Variants in COL23A1 observed in about 807,000 individuals in gnomAD.
The protein encoded by COL23A1 is collagen alpha-1(XXIII) chain.
COL23A1 carries 97 observed loss-of-function variants against 99.3 expected under a neutral mutation model. The observed-to-expected ratio is 0.98, with a 90% confidence interval of 0.83 to 1.16. The LOEUF is 1.16. Ranked by LOEUF, COL23A1 falls within the 50% of genes most tolerant of loss-of-function variation. COL23A1 has a pLI of 0.00. For missense variants in COL23A1, 762 were observed against 757.4 expected (o/e 1.01, Z -0.07); for synonymous variants, 320 against 308.2 (o/e 1.04, Z -0.40).
At chr5:178,301,940 GCA>G (rs1758063965) in intron 3 of COL23A1, among the ~76,000 whole-genome samples, 3 of 42,360 alleles carry the variant, frequency 7.1e-5, no homozygotes, top group African/African-American at 1.7e-4. Flanking sequence ...GTGCGCCGAA[GCA>G]CAGCTTCAAT....
chr5:178,357,752 GTGTGTGTACGTGTATGTA>G (rs1368302188), intron 2 of COL23A1, among the ~76,000 whole-genome samples: 34 of 147,722 alleles, frequency 2.3e-4, no homozygotes, highest in African/African-American at 6.9e-4. Context: ...ACGTGTATGT[GTGTGTGTACGTGTATGTA>G]TGTGTGTATG....
At chr5:178,495,823 T>C (rs1234631652) in intron 2 of COL23A1, among the ~76,000 whole-genome samples, 1 of 152,208 alleles carries the variant, frequency 6.6e-6, no homozygotes, top group Non-Finnish European at 1.5e-5. Flanking sequence ...CTGTGAATGC[T>C]TTCTAGCCGT....
At chr5:178,295,939 T>C (rs112875403) in intron 3 of COL23A1, among the ~76,000 whole-genome samples, 3,381 of 152,304 alleles carry the variant, frequency 0.022, 121 homozygotes, top group African/African-American at 0.077. Flanking sequence ...AAGGAAGTGG[T>C]CATCAGGGTT....
At chr5:178,485,562 C>A (rs1393561049) in intron 2 of COL23A1, among the ~76,000 whole-genome samples, 1 of 152,110 alleles carries the variant, frequency 6.6e-6, no homozygotes, top group Middle Eastern at 3.4e-3. Flanking sequence ...CACCTGACGT[C>A]AGGAGTTCGA....
chr5:178,375,161 C>G (rs542961576), intron 2 of COL23A1, among the ~76,000 whole-genome samples: 1 of 152,216 alleles, frequency 6.6e-6, no homozygotes, highest in South Asian at 2.1e-4. Flanking sequence ...GTGACATGAA[C>G]CACAGAAGGT....
At position 178,362,311 on chromosome 5, in the gene COL23A1, C is replaced by G. The variant is rs531651109; in HGVS notation, c.362-55392G>C. ...GTCCGAATAGCGGCTCAACCACAGG[C>G]CCCGGGGTTGGTGGGGGCATGTCCC... On this transcript the variant is annotated intron_variant, in intron 2 of 28. Transcript: ENST00000390654. Among the ~76,000 whole-genome samples the G allele has an allele frequency of 8.0e-4, 122 of 152,208 alleles. 1 individual carries two copies. The highest frequency in any genetic ancestry group is 5.1e-3 in the Admixed American group (78 of 15,294).
At chr5:178,278,491 GC>G (rs1218893303) in intron 5 of COL23A1, among the ~76,000 whole-genome samples, 1 of 152,216 alleles carries the variant, frequency 6.6e-6, no homozygotes, top group Non-Finnish European at 1.5e-5. Flanking sequence ...CCCCGATGGG[GC>G]GGGTGCCCCG....
chr5:178,560,327 G>A (rs1762492467), intron 2 of COL23A1, among the ~76,000 whole-genome samples: 1 of 152,296 alleles, frequency 6.6e-6, no homozygotes, highest in Non-Finnish European at 1.5e-5. Context: ...TGTTGGTACA[G>A]TGGTGGCAAC....
intron 2 of COL23A1, chr5:178,345,088 T>C (rs1760885731): frequency 1.7e-6 from 1 of 591,156 alleles, no homozygotes; most frequent in Non-Finnish European, 3.3e-6. Flanking sequence ...GTTCATCTCT[T>C]CCTGGTAATT....
intron 2 of COL23A1, among the ~76,000 whole-genome samples, chr5:178,517,116 A>G (rs1301162505): frequency 6.6e-6 from 1 of 152,188 alleles, no homozygotes; most frequent in Admixed American, 6.5e-5. Flanking sequence ...AGAAACAGAC[A>G]GAAGTGCCCA....
intron 1 of COL23A1, among the ~76,000 whole-genome samples, chr5:178,580,617 G>A (rs902027125): frequency 6.6e-6 from 1 of 152,194 alleles, no homozygotes; most frequent in Admixed American, 6.5e-5. Flanking sequence ...AGCTGGAGGT[G>A]GTGTGTGGCC....
At chr5:178,337,187 G>T (rs1760379857) in intron 2 of COL23A1, among the ~76,000 whole-genome samples, 1 of 152,254 alleles carries the variant, frequency 6.6e-6, no homozygotes, top group Admixed American at 6.5e-5. Flanking sequence ...TCTGAGAGGG[G>T]TCTGAGTGTG....
At chr5:178,375,131 CCTTGAAAACATGATGGG>C (rs1763003596) in intron 2 of COL23A1, among the ~76,000 whole-genome samples, 1 of 152,138 alleles carries the variant, frequency 6.6e-6, no homozygotes. Context: ...CATGGACGAA[CCTTGAAAACATGATGGG>C]AAGTGACATG....
chr5:178,357,072 C>T (rs1215498957), intron 2 of COL23A1, among the ~76,000 whole-genome samples: 3 of 152,204 alleles, frequency 2.0e-5, no homozygotes, highest in Admixed American at 6.5e-5. Context: ...GGAAAATGAA[C>T]GGAGCTAAAG....
intron 2 of COL23A1, among the ~76,000 whole-genome samples, chr5:178,356,379 G>GA (rs34173530): frequency 0.67 from 101,532 of 151,932 alleles, 34,029 homozygotes; most frequent in South Asian, 0.75. Context: ...AAGCTGTTAT[G>GA]AAAAAAGGCA....
chr5:178,300,545 T>C (rs897623577), intron 3 of COL23A1, among the ~76,000 whole-genome samples: 1 of 150,832 alleles, frequency 6.6e-6, no homozygotes, highest in African/African-American at 2.5e-5. Context: ...CTCATGATGC[T>C]TTCAAGATTC....
intron 2 of COL23A1, among the ~76,000 whole-genome samples, chr5:178,504,725 G>A (rs1207294698): frequency 2.6e-5 from 4 of 152,228 alleles, no homozygotes; most frequent in African/African-American, 9.6e-5. Flanking sequence ...AACAGTGTGT[G>A]TGCCTTGACA....
Position 178,387,573 on chromosome 5 carries a change from C to T in COL23A1, c.362-80654G>A, listed in dbSNP as rs1311956699. On this transcript the variant is annotated intron_variant, in intron 2 of 28. Coordinates refer to ENST00000390654, the MANE Select transcript of COL23A1 (RefSeq NM_173465.4). This position sits in a 1 kb window ranked among gnomAD's most constrained non-coding sequence, Gnocchi z 4.7. ...CTGCTCCAAGGGCTGCCCTCACAGC[C>T]GACTGTATTTGGGGTTTGCCTGAGC... Among the ~76,000 whole-genome samples, 3 of 152,170 alleles carry T rather than the reference C, an allele frequency of 2.0e-5. No individual in the cohort carries two copies. The highest frequency in any genetic ancestry group is 1.9e-4 in the East Asian group (1 of 5,196).
chr5:178,303,994 T>G (rs138611165), intron 3 of COL23A1, among the ~76,000 whole-genome samples: 54 of 152,170 alleles, frequency 3.5e-4, no homozygotes, highest in Non-Finnish European at 6.9e-4. Flanking sequence ...GACTCCAGAG[T>G]GCAGGCACAG....
Sources: allele counts gnomAD v4.1 joint callset (sites outside exome capture counted in the v4.1 genomes callset), GRCh38; gene constraint gnomAD v4.1.1; non-coding constraint Gnocchi (gnomAD v3.1); transcripts MANE v1.5; gene names NCBI Gene and HGNC (gene_info 2026-07-23, HGNC 2026-07-21).